Variants in PCDH15 observed in about 807,000 individuals in gnomAD.
PCDH15 encodes protocadherin-15.
PCDH15 carries 129 observed loss-of-function variants against 178.5 expected under a neutral mutation model. The ratio of observed to expected loss-of-function variants is 0.72; its 90% CI spans 0.63 to 0.84. The LOEUF is 0.84. Among genes scored for constraint, PCDH15 ranks in the 40% least tolerant of loss-of-function variants. The probability of loss-of-function intolerance (pLI) is 0.00; values close to 1 mark genes in which losing one functional copy is unlikely to be tolerated. For missense variants in PCDH15, 2,230 were observed against 2,099.9 expected (o/e 1.06, Z -1.21); for synonymous variants, 800 against 732.0 (o/e 1.09, Z -1.50).
rs545397147 is a variant in PCDH15 at position 54,752,204 on chromosome 10, C to T, written c.-29+48721G>A. 3.9e-5 allele frequency among the ~76,000 whole-genome samples: 6 copies of T among 151,936 alleles called. No homozygotes were observed. The South Asian group carries it at 1.2e-3, about 32-fold the overall frequency. ...CATGAAGAATAAAACAGGCCGGGCG[C>T]GGTGGCTCACGCCTGTAATCCCAGC... On this transcript the variant is annotated intron_variant, in intron 1 of 37. Coordinates refer to ENST00000644397, the MANE Select transcript of PCDH15 (RefSeq NM_001384140.1).
In PCDH15 at chr10:54,153,158, C is replaced by T. The variant is rs1305101686; in HGVS notation, c.1726G>A (p.Gly576Arg). 3 of 1,613,890 alleles carry T rather than the reference C, an allele frequency of 1.9e-6. No homozygotes were observed. Among genetic ancestry groups the T allele is most frequent in the South Asian group, 1.1e-5 (1 of 91,088 alleles). Residue 576 changes from glycine (G) to arginine (R), a missense_variant, in exon 14 of 38, where the codon GGG (glycine) becomes AGG (arginine). Coordinates refer to ENST00000644397, the MANE Select transcript of PCDH15 (RefSeq NM_001384140.1). ...TGGACCGTGAGTGCGTAAGTCCGCC[C>T]GACTATCATTTCCACCCCTGGAGCG... ...TIAPGVEMIVGRTYALTVQAA... is the reference protein window; with the variant it reads ...TIAPGVEMIVRRTYALTVQAA...
At chr10:54,724,404 G>A (rs996571355) in intron 1 of PCDH15, among the ~76,000 whole-genome samples, 1 of 151,464 alleles carries the variant, frequency 6.6e-6, no homozygotes, top group African/African-American at 2.4e-5. Context: ...AAGTTTGAGG[G>A]TTGAAAATTA....
chr10:55,359,747 T>TATACAC (rs1491280747), intron 2 of PCDH15, among the ~76,000 whole-genome samples: 116 of 81,626 alleles, frequency 1.4e-3, no homozygotes, highest in African/African-American at 3.7e-3. Context: ...TATATATATA[T>TATACAC]ACACACACAC....
intron 2 of PCDH15, among the ~76,000 whole-genome samples, chr10:54,955,608 A>G (rs747780189): frequency 6.6e-6 from 1 of 151,440 alleles, no homozygotes; most frequent in Non-Finnish European, 1.5e-5. Context: ...AATAAGTACT[A>G]ATATTCATAA....
intron 2 of PCDH15, among the ~76,000 whole-genome samples, chr10:54,534,351 A>C (rs1330283351): frequency 6.6e-6 from 1 of 152,082 alleles, no homozygotes; most frequent in Non-Finnish European, 1.5e-5. Context: ...TAGGGACAAA[A>C]ATTTGCTTGA....
chr10:54,553,424 G>T (rs548175649), intron 2 of PCDH15, among the ~76,000 whole-genome samples: 19 of 152,296 alleles, frequency 1.2e-4, no homozygotes, highest in Non-Finnish European at 2.8e-4. Context: ...ATGGGAAATA[G>T]AATCTATTTT....
At position 55,567,711 on chromosome 10, in the gene PCDH15, G is replaced by C. The variant is rs373591807; in HGVS notation, c.-156+59914C>G. 4.9e-4 allele frequency among the ~76,000 whole-genome samples: 75 copies of C among 151,904 alleles called. 1 individual carries two copies. In the East Asian group the frequency reaches 0.012, roughly 24 times the overall value. ...ACATGCTCAACATCACTAATCATTA[G>C]GAAAATGCAAATAAAAACTACAATG... is the stretch of plus-strand genomic sequence containing the variant. On this transcript the variant is annotated intron_variant, in intron 2 of 5. Transcript: ENST00000613346.
rs568451278 is a variant in PCDH15 at position 54,561,183 on chromosome 10, C to T, written c.92-33306G>A. Among the ~76,000 whole-genome samples, 74 of 152,164 alleles carry T rather than the reference C, an allele frequency of 4.9e-4. 1 individual carries two copies. The South Asian group carries it at 0.015, about 30-fold the overall frequency. ...CAACATGCCTGTTACGACACATCCC[C>T]AGGAAGTTTATTTTCATAATATTTG... is the stretch of plus-strand genomic sequence containing the variant. On this transcript the variant is annotated intron_variant, in intron 2 of 37. Transcript: ENST00000644397.
chr10:54,245,594 G>T (rs2055842718), intron 8 of PCDH15, among the ~76,000 whole-genome samples: 1 of 151,984 alleles, frequency 6.6e-6, no homozygotes, highest in African/African-American at 2.4e-5. Flanking sequence ...CAACATAGTA[G>T]AAAATAAGGT....
At chr10:55,129,610 C>A (rs1837991430) in intron 2 of PCDH15, among the ~76,000 whole-genome samples, 1 of 151,984 alleles carries the variant, frequency 6.6e-6, no homozygotes, top group Non-Finnish European at 1.5e-5. Flanking sequence ...CTGCTAAAAC[C>A]CCAGATAATT....
At chr10:55,078,522 T>G (rs946965142) in intron 2 of PCDH15, among the ~76,000 whole-genome samples, 14 of 152,164 alleles carry the variant, frequency 9.2e-5, no homozygotes, top group African/African-American at 3.4e-4. Context: ...TCTTTTTTCT[T>G]TATTTTTGAC....
At chr10:54,619,983 G>GA (rs973803275) in intron 2 of PCDH15, among the ~76,000 whole-genome samples, 4 of 151,556 alleles carry the variant, frequency 2.6e-5, no homozygotes, top group African/African-American at 7.3e-5. Context: ...AACAGTTGGG[G>GA]AAAAAATCAA....
chr10:53,881,174 G>A (rs1564673254), intron 26 of PCDH15, among the ~76,000 whole-genome samples: 2 of 152,284 alleles, frequency 1.3e-5, no homozygotes, highest in South Asian at 2.1e-4. Context: ...GCTGCATGCA[G>A]CTATACTACC....
chr10:54,733,229 C>A (rs1244521206), intron 1 of PCDH15, among the ~76,000 whole-genome samples: 1 of 151,424 alleles, frequency 6.6e-6, no homozygotes, highest in African/African-American at 2.4e-5. Flanking sequence ...TAGAAAATAT[C>A]TGAAATCTCA....
At chr10:55,409,271 T>C (rs1838277536) in intron 2 of PCDH15, among the ~76,000 whole-genome samples, 1 of 152,114 alleles carries the variant, frequency 6.6e-6, no homozygotes, top group Non-Finnish European at 1.5e-5. Context: ...CAAACCTGCT[T>C]CATCTGCTAC....
intron 9 of PCDH15, among the ~76,000 whole-genome samples, chr10:54,230,509 A>T (rs561665829): frequency 5.8e-4 from 88 of 152,324 alleles, no homozygotes; most frequent in African/African-American, 2.0e-3. Flanking sequence ...GAACATTTTC[A>T]TCCCTTCTCA....
At chr10:55,321,402 C>G (rs1206916846), upstream of PCDH15, among the ~76,000 whole-genome samples, 3 of 152,066 alleles carry the variant, frequency 2.0e-5, no homozygotes, top group East Asian at 5.8e-4. Flanking sequence ...TGAGAGAAAG[C>G]AAGCAACTTG....
At chr10:54,001,128 C>T (rs2092114271) in intron 20 of PCDH15, among the ~76,000 whole-genome samples, 1 of 152,020 alleles carries the variant, frequency 6.6e-6, no homozygotes, top group African/African-American at 2.4e-5. Flanking sequence ...AAGACTTTCC[C>T]AGACAAATAA....
intron 2 of PCDH15, among the ~76,000 whole-genome samples, chr10:54,989,150 A>G (rs1311805124): frequency 6.6e-6 from 1 of 152,160 alleles, no homozygotes; most frequent in Admixed American, 6.5e-5. Flanking sequence ...GGGATTTGGG[A>G]ACCTCTGCCG....
Sources: allele counts gnomAD v4.1 joint callset (sites outside exome capture counted in the v4.1 genomes callset), GRCh38; gene constraint gnomAD v4.1.1; transcripts MANE v1.5; gene names NCBI Gene and HGNC (gene_info 2026-07-23, HGNC 2026-07-21).